FNDC1: variants seen among roughly 807,000 people sequenced by gnomAD.
FNDC1 encodes the protein fibronectin type III domain-containing protein 1.
A neutral mutation model predicts 168.0 loss-of-function variants in FNDC1; 96 were observed. That is an observed-to-expected ratio of 0.57 (90% CI 0.48 to 0.68). The LOEUF is 0.68. Among genes scored for constraint, FNDC1 ranks in the 30% least tolerant of loss-of-function variants. FNDC1 has a pLI of 0.00. For missense variants in FNDC1, 2,587 were observed against 2,482.1 expected (o/e 1.04, Z -0.90); for synonymous variants, 1,099 against 1,025.9 (o/e 1.07, Z -1.36).
chr6:159,188,500 G>C (rs1254579152), intron 1 of FNDC1, among the ~76,000 whole-genome samples: 1 of 150,202 alleles, frequency 6.7e-6, no homozygotes, highest in Non-Finnish European at 1.5e-5. Flanking sequence ...TCAGCCTCTT[G>C]AGTAGCTGGG....
intron 5 of FNDC1, among the ~76,000 whole-genome samples, chr6:159,216,181 C>T (rs1003947034): frequency 5.9e-5 from 9 of 152,128 alleles, no homozygotes; most frequent in Non-Finnish European, 1.0e-4. Flanking sequence ...AGGCTGGTCT[C>T]GAACTCCTGA....
At chr6:159,226,394 A>T (rs1455328882) in intron 8 of FNDC1, 79 bp from the exon 9 acceptor site, 1 of 1,080,842 alleles carries the variant, frequency 9.3e-7, no homozygotes, top group Non-Finnish European at 1.3e-6. Context: ...AAAAATGTGT[A>T]CCTAGAGACC....
At chr6:159,195,923 C>T (rs1304060662) in intron 1 of FNDC1, among the ~76,000 whole-genome samples, 2 of 152,208 alleles carry the variant, frequency 1.3e-5, no homozygotes, top group Non-Finnish European at 2.9e-5. Flanking sequence ...AAACACTCAA[C>T]CATGAGCTTC....
At chr6:159,197,848 T>G (rs1379910831) in intron 2 of FNDC1, among the ~76,000 whole-genome samples, 5 of 152,252 alleles carry the variant, frequency 3.3e-5, no homozygotes, top group South Asian at 4.1e-4. Context: ...AACTCAAGTA[T>G]TCCTGTTTCC....
chr6:159,223,046 AGT>A (rs1782866225), intron 6 of FNDC1, among the ~76,000 whole-genome samples: 1 of 134,066 alleles, frequency 7.5e-6, no homozygotes, highest in African/African-American at 2.6e-5. Flanking sequence ...CCCAGGCTGG[AGT>A]GCAGTGGCAT....
chr6:159,258,989 G>A (rs555370647), intron 18 of FNDC1, among the ~76,000 whole-genome samples: 1 of 152,316 alleles, frequency 6.6e-6, no homozygotes, highest in African/African-American at 2.4e-5. Context: ...TTGACTTTAA[G>A]TGAGCATTGT....
In FNDC1 at chr6:159,261,244, T is replaced by G; in HGVS notation, c.5229T>G (p.Pro1743=). Residue 1743 remains proline, a synonymous_variant, in exon 19 of 23, where the codon CCT becomes CCG. Coordinates refer to ENST00000297267, the MANE Select transcript of FNDC1 (RefSeq NM_032532.3). ...CTCATGGCTACGGACCTATCAGCCCTTCGGTCTCATTTGTCACCGAATCAG... is the reference window on the plus strand; with the variant it reads ...CTCATGGCTACGGACCTATCAGCCCGTCGGTCTCATTTGTCACCGAATCAG... ...QNPHGYGPIS[P]SVSFVTESDN... 6.2e-7 allele frequency: 1 copy of G among 1,612,956 alleles called. No homozygotes were observed. Among genetic ancestry groups the G allele is most frequent in the South Asian group, 1.1e-5 (1 of 90,878 alleles).
chr6:159,269,242 TATCTATCCATCTATC>T (rs1562315711), intron 22 of FNDC1, among the ~76,000 whole-genome samples: 1,082 of 96,330 alleles, frequency 0.011, 43 homozygotes, highest in African/African-American at 0.046. Context: ...TCTATCTATC[TATCTATCCATCTATC>T]ATCTATCTAT....
At chr6:159,212,476 A>G (rs1782625972) in intron 4 of FNDC1, among the ~76,000 whole-genome samples, 2 of 152,168 alleles carry the variant, frequency 1.3e-5, no homozygotes, top group African/African-American at 4.8e-5. Context: ...TCTATCAAAG[A>G]TGTTTGATGG....
Position 159,233,900 on chromosome 6 carries a change from G to C in FNDC1, c.3388G>C (p.Gly1130Arg). ...AGGTGGCGACCACAGGTCCCAGCGC[G>C]GACATGCGGCCTCCCCCGCCAGGCC... ...GAGGDHRSQRGHAASPARPSR... is the reference protein window; with the variant it reads ...GAGGDHRSQRRHAASPARPSR... Residue 1130 changes from glycine (G) to arginine (R), a missense_variant, in exon 11 of 23, where the codon GGA becomes CGA. Gly to Arg is a moderately radical substitution (Grantham distance 125, BLOSUM62 -2). Transcript: ENST00000297267. The surrounding 1 kb of genome is among the most constrained non-coding windows in gnomAD (Gnocchi z 4.6). The C allele has an allele frequency of 6.5e-7, 1 of 1,547,390 alleles. No homozygotes were observed. The highest frequency in any genetic ancestry group is 8.7e-7 in the Non-Finnish European group (1 of 1,145,368).
intron 11 of FNDC1, 23 bp from the exon 12 acceptor site, chr6:159,236,192 T>C: frequency 1.3e-6 from 2 of 1,570,124 alleles, no homozygotes; most frequent in South Asian, 2.3e-5. Flanking sequence ...GGCTCTGTTA[T>C]TTTTATTTTT....
At chr6:159,189,778 T>G (rs1295480540) in intron 1 of FNDC1, among the ~76,000 whole-genome samples, 1 of 152,260 alleles carries the variant, frequency 6.6e-6, no homozygotes, top group East Asian at 1.9e-4. Context: ...CTTTTGGACT[T>G]TAAATTTCCC....
intron 14 of FNDC1, among the ~76,000 whole-genome samples, chr6:159,243,729 CT>C (rs922710447): frequency 4.9e-4 from 73 of 148,340 alleles, no homozygotes; most frequent in Admixed American, 5.4e-4. Flanking sequence ...AGGTGGTCAA[CT>C]TTTTTTTTTA....
At chr6:159,205,375 C>T (rs149584363) in intron 4 of FNDC1, among the ~76,000 whole-genome samples, 1 of 152,308 alleles carries the variant, frequency 6.6e-6, no homozygotes, top group Non-Finnish European at 1.5e-5. Context: ...TATGATCTTG[C>T]TGGTTTATTT....
chr6:159,227,818 A>T (rs1385034784), intron 9 of FNDC1, among the ~76,000 whole-genome samples: 2 of 151,910 alleles, frequency 1.3e-5, no homozygotes, highest in African/African-American at 2.4e-5. Flanking sequence ...GATGAGCTTT[A>T]AAAAAAAGGT....
chr6:159,251,432 C>T lies in FNDC1; in HGVS notation c.4965C>T (p.Pro1655=). Residue 1655 remains proline, a synonymous_variant, in exon 17 of 23, where the codon CCC becomes CCT. Transcript: ENST00000297267. The part of the protein sequence containing the change: ...PNDLKKSDLP[P]QHAPRNITVV... ...ACCTGAAGAAGAGTGACCTGCCTCCCCAGCATGCTCCCCGCAACATCACCG... is the reference window on the plus strand; with the variant it reads ...ACCTGAAGAAGAGTGACCTGCCTCCTCAGCATGCTCCCCGCAACATCACCG... 4 of 1,613,930 alleles carry T rather than the reference C, an allele frequency of 2.5e-6. No individual in the cohort carries two copies. The highest frequency in any genetic ancestry group is 3.4e-6 in the Non-Finnish European group (4 of 1,179,878).
chr6:159,172,478 G>A (rs1781682875), intron 1 of FNDC1, among the ~76,000 whole-genome samples: 1 of 152,174 alleles, frequency 6.6e-6, no homozygotes, highest in Non-Finnish European at 1.5e-5. Flanking sequence ...TTCCACCACT[G>A]TAAGCTTGAA....
chr6:159,222,694 C>A (rs1293863502), intron 6 of FNDC1, among the ~76,000 whole-genome samples: 1 of 152,184 alleles, frequency 6.6e-6, no homozygotes, highest in African/African-American at 2.4e-5. Flanking sequence ...ATGTTTTAAT[C>A]TGTCTTGGAC....
At chr6:159,244,916 G>T (rs1172622807) in intron 14 of FNDC1, among the ~76,000 whole-genome samples, 2 of 152,174 alleles carry the variant, frequency 1.3e-5, no homozygotes, top group African/African-American at 4.8e-5. Flanking sequence ...CCTGAGACTG[G>T]ATAATTTATA....
Sources: gnomAD v4.1 joint callset for allele counts (sites outside exome capture counted in the v4.1 genomes callset) on GRCh38, gnomAD v4.1.1 for gene constraint, Gnocchi (gnomAD v3.1) non-coding constraint, MANE v1.5 for transcripts, NCBI Gene and HGNC (gene_info 2026-07-23, HGNC 2026-07-21) for gene names.